GCNT4: variants seen among roughly 807,000 people sequenced by gnomAD.
The protein encoded by GCNT4 is beta-1,3-galactosyl-O-glycosyl-glycoprotein beta-1,6-N-acetylglucosaminyltransferase 4.
GCNT4 carries 17 observed loss-of-function variants against 31.3 expected under a neutral mutation model. The observed-to-expected ratio is 0.54, with a 90% CI of 0.37 to 0.81. The LOEUF is 0.81. Among genes scored for constraint, GCNT4 ranks in the 40% least tolerant of loss-of-function variants. The probability of loss-of-function intolerance (pLI) is 0.00; values close to 1 mark genes in which losing one functional copy is unlikely to be tolerated. For synonymous variants in GCNT4, 158 were observed against 190.6 expected (o/e 0.83, Z 1.41); for missense variants, 503 against 525.5 (o/e 0.96, Z 0.42).
At chr5:75,042,300 G>A (rs1037360843) in intron 3 of GCNT4, among the ~76,000 whole-genome samples, 5 of 152,120 alleles carry the variant, frequency 3.3e-5, no homozygotes, top group Non-Finnish European at 5.9e-5. Context: ...TGAAAAACAT[G>A]TCTATTTTTG....
chr5:75,049,164 C>T (rs1343629944), intron 2 of GCNT4, among the ~76,000 whole-genome samples: 2 of 152,168 alleles, frequency 1.3e-5, no homozygotes, highest in Admixed American at 6.5e-5. Flanking sequence ...CATTTCATAT[C>T]GCTTAGCAGA....
At chr5:75,034,764 A>C (rs1208289092) in intron 3 of GCNT4, among the ~76,000 whole-genome samples, 1 of 152,224 alleles carries the variant, frequency 6.6e-6, no homozygotes, top group Non-Finnish European at 1.5e-5. Context: ...GTCTATAATA[A>C]TTCAGTAAAA....
chr5:75,047,294 G>C (rs1743463606), intron 3 of GCNT4, among the ~76,000 whole-genome samples: 1 of 152,208 alleles, frequency 6.6e-6, no homozygotes, highest in Non-Finnish European at 1.5e-5. Flanking sequence ...CCCTACAACA[G>C]AGATTTACTT....
At chr5:75,021,161 C>T (rs903655728), downstream of GCNT4, among the ~76,000 whole-genome samples, 2 of 152,134 alleles carry the variant, frequency 1.3e-5, no homozygotes. Flanking sequence ...CTCGAGGACC[C>T]CCTCTGTCAT....
At chr5:75,040,729 G>A (rs1255506594) in intron 3 of GCNT4, among the ~76,000 whole-genome samples, 1 of 152,208 alleles carries the variant, frequency 6.6e-6, no homozygotes, top group East Asian at 1.9e-4. Flanking sequence ...CTGAGAAAGA[G>A]TCAATGTGTT....
At chr5:75,036,169 C>T (rs952950909) in intron 3 of GCNT4, among the ~76,000 whole-genome samples, 2 of 151,804 alleles carry the variant, frequency 1.3e-5, no homozygotes, top group Non-Finnish European at 2.9e-5. Context: ...AAAAAAAAAC[C>T]TGTGTATAAT....
intron 3 of GCNT4, among the ~76,000 whole-genome samples, chr5:75,045,048 CTTCT>C (rs140318198): frequency 5.9e-5 from 9 of 152,222 alleles, no homozygotes; most frequent in Non-Finnish European, 1.0e-4. Flanking sequence ...ACCTGGTTCA[CTTCT>C]TTGTTATAAA....
intron 3 of GCNT4, among the ~76,000 whole-genome samples, chr5:75,035,415 AG>A (rs1229523705): frequency 6.6e-6 from 1 of 152,202 alleles, no homozygotes; most frequent in East Asian, 1.9e-4. Flanking sequence ...AGCTTTTTTC[AG>A]GAACAGGTTG....
chr5:75,032,615 TAA>T (rs1166448577), intron 3 of GCNT4, among the ~76,000 whole-genome samples: 1 of 152,208 alleles, frequency 6.6e-6, no homozygotes, highest in Admixed American at 6.5e-5. Context: ...GCACCCAGGT[TAA>T]GAGACTCCTG....
chr5:75,051,181 G>A (rs1743562098), intron 2 of GCNT4, among the ~76,000 whole-genome samples: 1 of 152,026 alleles, frequency 6.6e-6, no homozygotes, highest in South Asian at 2.1e-4. Flanking sequence ...CTCCCCCATG[G>A]CTGCTTAGTT....
intron 3 of GCNT4, among the ~76,000 whole-genome samples, chr5:75,039,132 T>C (rs1192170403): frequency 6.6e-6 from 1 of 152,160 alleles, no homozygotes; most frequent in Non-Finnish European, 1.5e-5. Context: ...TCACCCACGC[T>C]GGAGTGCAAT....
At chr5:75,046,073 C>T (rs959623848) in intron 3 of GCNT4, among the ~76,000 whole-genome samples, 1 of 152,128 alleles carries the variant, frequency 6.6e-6, no homozygotes, top group Non-Finnish European at 1.5e-5. Flanking sequence ...TTCTGCATCC[C>T]ATCTTTCAGC....
rs1368255760 is a variant in GCNT4, at chr5:75,029,211, T to C, written c.827A>G (p.Tyr276Cys). The C allele has an allele frequency of 6.2e-7, 1 of 1,614,078 alleles. No homozygotes were observed. The highest frequency in any genetic ancestry group is 8.5e-7 in the Non-Finnish European group (1 of 1,180,020). Residue 276 changes from tyrosine (Y) to cysteine (C), a missense_variant, in exon 4 of 4, where the codon TAT becomes TGT. Physicochemically the swap from Tyr to Cys is radical, Grantham distance 194. Coordinates refer to ENST00000652361, the MANE Select transcript of GCNT4 (RefSeq NM_001366737.1). Reference protein sequence around the residue: ...TYHHELRRVPYEYVKLPIRTN... With the variant: ...TYHHELRRVPCEYVKLPIRTN... ...CCTTATTGGTAGCTTCACATATTCA[T>C]AAGGCACCCGTCTAAGTTCATGATG...
intron 3 of GCNT4, among the ~76,000 whole-genome samples, chr5:75,046,211 C>T (rs114192687): frequency 0.059 from 9,019 of 152,154 alleles, 293 homozygotes; most frequent in Middle Eastern, 0.11. Flanking sequence ...ATTTGCCAAC[C>T]TCAGAAGAGG....
Position 75,029,498 on chromosome 5 carries a change from A to G in GCNT4, c.540T>C (p.Ala180=), listed in dbSNP as rs1561372961. ...CAATGAAAATATTGGAGAAGCACTTAGCTAAATTGTTCATGGCAACTTTGA... is the reference window on the plus strand; with the variant it reads ...CAATGAAAATATTGGAGAAGCACTTGGCTAAATTGTTCATGGCAACTTTGA... ...DTFKVAMNNL[A]KCFSNIFIAS... The change falls in exon 4 of 4, where the codon GCT becomes GCC. Residue 180 remains alanine, a synonymous_variant. Coordinates refer to ENST00000652361, the MANE Select transcript of GCNT4 (RefSeq NM_001366737.1). 2.5e-6 allele frequency: 4 copies of G among 1,614,126 alleles called. No homozygotes were observed. Among genetic ancestry groups the G allele is most frequent in the Non-Finnish European group, 3.4e-6 (4 of 1,180,032 alleles).
intron 3 of GCNT4, among the ~76,000 whole-genome samples, chr5:75,037,951 A>T (rs967543312): frequency 9.2e-6 from 1 of 108,878 alleles, no homozygotes; most frequent in Non-Finnish European, 1.8e-5. Context: ...CTTTCATTAA[A>T]AAAAAAAAAA....
In GCNT4 at chr5:75,027,359, A is replaced by T. The variant is rs969464622; in HGVS notation, c.*1317T>A. On this transcript the variant is annotated 3_prime_UTR_variant, in exon 4 of 4. Coordinates refer to ENST00000652361, the MANE Select transcript of GCNT4 (RefSeq NM_001366737.1). ...TACAATATATGTATATATAATATAT[A>T]TATTTATATATTATATATGTAATGG... 0.018 allele frequency: 18 copies of T among 984 alleles called. No individual in the cohort carries two copies. In the East Asian group the frequency reaches 0.25, roughly 14 times the overall value. The allele number at this position is 984 out of a possible 1,614,324, so 0.1% of individuals were successfully genotyped here. A position where few individuals can be genotyped will look rare whatever the true frequency, so the allele number is the denominator to read the frequency against.
downstream of GCNT4, among the ~76,000 whole-genome samples, chr5:75,022,211 G>A (rs1742888117): frequency 2.6e-5 from 4 of 152,154 alleles, no homozygotes; most frequent in South Asian, 6.2e-4. Flanking sequence ...TTATAAAATA[G>A]TTACAAGTAT....
intron 3 of GCNT4, among the ~76,000 whole-genome samples, chr5:75,039,343 C>G (rs1030759562): frequency 6.6e-6 from 1 of 152,164 alleles, no homozygotes. Flanking sequence ...ATCCACTTGC[C>G]TCGGCCTCCC....
Sources: gnomAD v4.1 joint callset for allele counts (sites outside exome capture counted in the v4.1 genomes callset) on GRCh38, gnomAD v4.1.1 for gene constraint, MANE v1.5 for transcripts, NCBI Gene and HGNC (gene_info 2026-07-23, HGNC 2026-07-21) for gene names.